The following LRP1B variants were observed in gnomAD, a reference collection of about 807,000 sequenced individuals.
LRP1B encodes the protein low-density lipoprotein receptor-related protein 1B.
LRP1B carries 217 observed loss-of-function variants against 556.6 expected under a neutral mutation model. The ratio of observed to expected loss-of-function variants is 0.39; its 90% CI spans 0.35 to 0.44. The LOEUF is 0.44. LRP1B is among the 20% of genes least tolerant of loss of function. The probability of loss-of-function intolerance (pLI) is 1.00; values close to 1 mark genes in which losing one functional copy is unlikely to be tolerated. For synonymous variants in LRP1B, 2,047 were observed against 1,865.8 expected, an observed-to-expected ratio of 1.10 and a Z score of -2.50; for missense variants, 5,053 against 5,620.8, an observed-to-expected ratio of 0.90 and a Z score of 3.23.
At chr2:142,042,642 T>C (rs1704102450) in intron 1 of LRP1B, among the ~76,000 whole-genome samples, 1 of 151,504 alleles carries the variant, frequency 6.6e-6, no homozygotes, top group Non-Finnish European at 1.5e-5. Flanking sequence ...CTATATATAC[T>C]AGGTTCAAAA....
intron 2 of LRP1B, among the ~76,000 whole-genome samples, chr2:141,725,139 C>A (rs1210988881): frequency 6.6e-6 from 1 of 151,820 alleles, no homozygotes; most frequent in Non-Finnish European, 1.5e-5. Context: ...AATTTTTGAA[C>A]TTTGTAAGGT....
At chr2:141,752,146 T>C (rs1172154693) in intron 2 of LRP1B, among the ~76,000 whole-genome samples, 1 of 152,148 alleles carries the variant, frequency 6.6e-6, no homozygotes, top group Non-Finnish European at 1.5e-5. Flanking sequence ...AGTCTTGACC[T>C]AAGTATTTAC....
At chr2:141,853,265 G>C (rs1428642017) in intron 1 of LRP1B, among the ~76,000 whole-genome samples, 1 of 151,342 alleles carries the variant, frequency 6.6e-6, no homozygotes, top group Non-Finnish European at 1.5e-5. Context: ...GATTGTAAGT[G>C]CCTTGCAAAC....
chr2:141,678,384 A>G (rs1364713260), intron 2 of LRP1B, among the ~76,000 whole-genome samples: 1 of 152,202 alleles, frequency 6.6e-6, no homozygotes, highest in African/African-American at 2.4e-5. Context: ...AACAAATAGT[A>G]TATCTGACAT....
Position 140,598,830 on chromosome 2 carries a change from A to G in LRP1B, c.6995T>C (p.Met2332Thr), listed in dbSNP as rs778726788. The stretch of plus-strand genomic sequence containing the variant: ...TTGTTCATTCCAGTTGGTCCAAAAC[A>G]TTAAACTAATTAAAATGAAAATTGT... ...VLALDECQNL[M>T]FWTNWNEQHP... The change falls in exon 43 of 91, where the codon ATG becomes ACG. Residue 2332 changes from methionine (M) to threonine (T), a missense_variant. Physicochemically the swap from Met to Thr is moderately conservative, Grantham distance 81. Coordinates refer to ENST00000389484, the MANE Select transcript of LRP1B (RefSeq NM_018557.3). 1.9e-6 allele frequency: 3 copies of G among 1,574,444 alleles called. No individual in the cohort carries two copies.
chr2:140,707,039 T>C (rs981869980), intron 37 of LRP1B, among the ~76,000 whole-genome samples: 3 of 152,156 alleles, frequency 2.0e-5, no homozygotes, highest in African/African-American at 7.2e-5. Context: ...ACTCTACATA[T>C]GTGAACAGTT....
intron 2 of LRP1B, among the ~76,000 whole-genome samples, chr2:141,594,816 T>C (rs984074312): frequency 6.6e-6 from 1 of 152,140 alleles, no homozygotes; most frequent in Admixed American, 6.6e-5. Context: ...TATTGATATA[T>C]AGGCCACACA....
In LRP1B at chr2:140,478,431, G is replaced by C. The variant is rs932153923; in HGVS notation, c.9426-3094C>G. On this transcript the variant is annotated intron_variant, in intron 59 of 90. Coordinates refer to ENST00000389484, the MANE Select transcript of LRP1B (RefSeq NM_018557.3). ...TCCAAAGTGCTGTGGTTACAGGCGT[G>C]AGCCACCGTGCCAATTTAGAATTTT... is the stretch of plus-strand genomic sequence containing the variant. Among the ~76,000 whole-genome samples the C allele has an allele frequency of 7.9e-5, 12 of 152,258 alleles. No homozygotes were observed. In the Middle Eastern group the frequency reaches 0.01, roughly 129 times the overall value.
Position 140,350,808 on chromosome 2 carries a change from T to G in LRP1B, c.11881A>C (p.Ser3961Arg). ...IHGREKRQAN[S>R]GLICPEFKRP... ...TGGTATTTACTTACAATCAAGCCAC[T>G]GTTTGCTTGCCTTTTTTCTCTGCCA... Residue 3961 changes from serine to arginine, a missense_variant, in exon 77 of 91, where the codon AGT (serine) becomes CGT (arginine). Ser to Arg is a moderately radical substitution (Grantham distance 110, BLOSUM62 -1). Coordinates refer to ENST00000389484, the MANE Select transcript of LRP1B (RefSeq NM_018557.3). The G allele has an allele frequency of 6.2e-7, 1 of 1,610,398 alleles. No homozygotes were observed. The highest frequency in any genetic ancestry group is 1.7e-5 in the Admixed American group (1 of 59,626).
rs923683053 is a variant in LRP1B at position 140,702,567 on chromosome 2, G to A, written c.6024-14C>T. 9.3e-6 allele frequency: 15 copies of A among 1,611,046 alleles called. No individual in the cohort carries two copies. The highest frequency in any genetic ancestry group is 1.3e-5 in the African/African-American group (1 of 74,752). On this transcript the variant is annotated splice_polypyrimidine_tract_variant and intron_variant, in intron 37 of 90. Transcript: ENST00000389484. ...CAGAACAAGAGGCTGAAATTAAATT[G>A]TTAATTTGTAGTGTTTATGTACATT...
At chr2:140,606,857 T>C (rs959656811) in intron 41 of LRP1B, among the ~76,000 whole-genome samples, 1 of 151,860 alleles carries the variant, frequency 6.6e-6, no homozygotes, top group East Asian at 1.9e-4. Context: ...ACTCTTAGGA[T>C]AAAAAATAGG....
rs1463297773 is a variant in LRP1B, at chr2:140,907,937, C to G, written c.3460G>C (p.Glu1154Gln). Reference sequence around the variant, plus strand: ...TCCTTTTTCCCATTGCAGAGTTTCTCTGGCTGCAGGCAGACTGAGGTGTCA... The same window carrying G: ...TCCTTTTTCCCATTGCAGAGTTTCTGTGGCTGCAGGCAGACTGAGGTGTCA... Reference protein sequence around the residue: ...ANDTSVCLQPEKLCNGKKDCP... With the variant: ...ANDTSVCLQPQKLCNGKKDCP... The change falls in exon 22 of 91, where the codon GAG becomes CAG. Residue 1154 changes from glutamate to glutamine, a missense_variant. Glu to Gln is a conservative substitution (Grantham distance 29, BLOSUM62 2). Around this residue, in one of 5 missense-constraint regions of LRP1B, gnomAD observed 3,619 missense variants for 3,931.9 expected, o/e 0.92. Transcript: ENST00000389484. The G allele has an allele frequency of 6.2e-7, 1 of 1,613,530 alleles. No individual in the cohort carries two copies. Among genetic ancestry groups the G allele is most frequent in the African/African-American group, 1.3e-5 (1 of 74,882 alleles).
At chr2:141,992,791 C>A (rs921844711) in intron 1 of LRP1B, among the ~76,000 whole-genome samples, 4 of 152,094 alleles carry the variant, frequency 2.6e-5, no homozygotes, top group Admixed American at 1.3e-4. Flanking sequence ...TCCTCCAGGA[C>A]ACACTATGAA....
chr2:141,937,503 T>C (rs1253675266), intron 1 of LRP1B, among the ~76,000 whole-genome samples: 3 of 151,888 alleles, frequency 2.0e-5, no homozygotes, highest in Non-Finnish European at 4.4e-5. Context: ...ACTATATATA[T>C]ATTATGTAAA....
chr2:142,052,192 A>G (rs1157399118), intron 1 of LRP1B, among the ~76,000 whole-genome samples: 1 of 152,152 alleles, frequency 6.6e-6, no homozygotes, highest in African/African-American at 2.4e-5. Context: ...AAAAAACTCA[A>G]AAACGTCTAC....
chr2:141,420,017 G>T (rs1680078467), intron 3 of LRP1B, among the ~76,000 whole-genome samples: 1 of 152,122 alleles, frequency 6.6e-6, no homozygotes, highest in African/African-American at 2.4e-5. Context: ...GTGTATGTTT[G>T]TCAGGTACAT....
At chr2:140,402,553 G>C (rs972751582) in intron 66 of LRP1B, among the ~76,000 whole-genome samples, 2 of 152,148 alleles carry the variant, frequency 1.3e-5, no homozygotes, top group African/African-American at 4.8e-5. Context: ...CATTCCTACA[G>C]AGAAAAAGAG....
chr2:140,535,431 C>T (rs535223414), intron 46 of LRP1B, among the ~76,000 whole-genome samples: 3 of 152,222 alleles, frequency 2.0e-5, no homozygotes, highest in South Asian at 2.1e-4. Flanking sequence ...ACATTAGACT[C>T]TCATTTTAAA....
At chr2:141,363,216 C>A (rs962918829) in intron 3 of LRP1B, among the ~76,000 whole-genome samples, 1 of 152,162 alleles carries the variant, frequency 6.6e-6, no homozygotes, top group Non-Finnish European at 1.5e-5. Context: ...CCAATCTTAA[C>A]CATTCTTCAA....
Sources: allele counts gnomAD v4.1 joint callset (sites outside exome capture counted in the v4.1 genomes callset), GRCh38; gene constraint gnomAD v4.1.1; regional missense constraint gnomAD v4.1.1; transcripts MANE v1.5; gene names NCBI Gene and HGNC (gene_info 2026-07-23, HGNC 2026-07-21).